The following FLRT1 variants were observed in gnomAD, a reference collection of about 807,000 sequenced individuals.
FLRT1 encodes the protein leucine-rich repeat transmembrane protein FLRT1.
A neutral mutation model predicts 30.9 loss-of-function variants in FLRT1; 14 were observed. That is an observed-to-expected ratio of 0.45 (90% CI 0.30 to 0.71). The LOEUF (loss-of-function observed/expected upper bound fraction) is 0.71, where lower values mean the gene tolerates loss of function less well. Ranked by LOEUF, FLRT1 falls within the 30% of genes least tolerant of loss-of-function variation. FLRT1 has a pLI of 0.08. For missense variants in FLRT1, 737 were observed against 949.2 expected, an observed-to-expected ratio of 0.78 and a Z score of 2.94; for synonymous variants, 368 against 430.4, an observed-to-expected ratio of 0.85 and a Z score of 1.80.
intron 2 of FLRT1, among the ~76,000 whole-genome samples, chr11:64,115,714 G>A (rs922466801): frequency 1.3e-5 from 2 of 152,140 alleles, no homozygotes; most frequent in African/African-American, 2.4e-5. Flanking sequence ...CTTTCCTTTC[G>A]AATCCTGGGT....
In FLRT1 at chr11:64,096,820, C is replaced by T. The variant is rs571629606; in HGVS notation, c.-1037-6374C>T. Among the ~76,000 whole-genome samples the T allele has an allele frequency of 1.8e-3, 271 of 152,320 alleles. 2 individuals are homozygous for T. Among genetic ancestry groups the T allele is most frequent in the African/African-American group, 6.0e-3 (249 of 41,580 alleles). On this transcript the variant is annotated intron_variant, in intron 1 of 2. Transcript: ENST00000682287. The surrounding 1 kb of genome is among the most constrained non-coding windows in gnomAD (Gnocchi z 4.6). ...GCAGGCCTGTGGGGGGCTGCCGTGTCCCCATACCCTCCAAGCACACTGCCA... is the reference window on the plus strand; with the variant it reads ...GCAGGCCTGTGGGGGGCTGCCGTGTTCCCATACCCTCCAAGCACACTGCCA...
intron 1 of FLRT1, chr11:64,086,767 C>T (rs1392932628): frequency 6.6e-6 from 1 of 152,192 alleles, no homozygotes; most frequent in Non-Finnish European, 1.5e-5. Flanking sequence ...CCCAGATCAC[C>T]CAAGCAGCTG....
intron 2 of FLRT1, among the ~76,000 whole-genome samples, chr11:64,105,021 T>G (rs912157568): frequency 6.6e-5 from 10 of 152,170 alleles, no homozygotes; most frequent in Middle Eastern, 6.8e-3. Context: ...AGGAGAGGGG[T>G]TGATTTATGA....
At chr11:64,078,787 G>T (rs928848582) in intron 1 of FLRT1, among the ~76,000 whole-genome samples, 3 of 152,092 alleles carry the variant, frequency 2.0e-5, no homozygotes, top group African/African-American at 4.8e-5. Flanking sequence ...GTGACTGCAG[G>T]GGGGGAGGCC....
At chr11:64,058,033 A>G (rs1484460956) in intron 1 of FLRT1, among the ~76,000 whole-genome samples, 1 of 152,210 alleles carries the variant, frequency 6.6e-6, no homozygotes, top group African/African-American at 2.4e-5. Flanking sequence ...TGAGCCACTG[A>G]GTAATGCGCA....
At chr11:64,087,505 A>G (rs1183605310) in intron 1 of FLRT1, among the ~76,000 whole-genome samples, 1 of 152,122 alleles carries the variant, frequency 6.6e-6, no homozygotes, top group Non-Finnish European at 1.5e-5. Flanking sequence ...CACAGTTGCC[A>G]CCCCTTGCTG....
At chr11:64,081,224 A>G (rs745430540) in intron 1 of FLRT1, among the ~76,000 whole-genome samples, 3 of 152,080 alleles carry the variant, frequency 2.0e-5, no homozygotes, top group Non-Finnish European at 4.4e-5. Context: ...GTTTCACCAT[A>G]TTGGCCAGGC....
intron 1 of FLRT1, among the ~76,000 whole-genome samples, chr11:64,089,625 C>T (rs903359820): frequency 3.3e-5 from 5 of 152,226 alleles, no homozygotes; most frequent in African/African-American, 7.2e-5. Flanking sequence ...GCAAGGAACT[C>T]CCCAGTCCCA....
chr11:64,063,979 G>C (rs1456013140), intron 1 of FLRT1, among the ~76,000 whole-genome samples: 2 of 152,178 alleles, frequency 1.3e-5, no homozygotes, highest in Non-Finnish European at 1.5e-5. Flanking sequence ...AATCGCATCC[G>C]AGTGACGGCT....
At chr11:64,048,128 C>T (rs899876794) in intron 1 of FLRT1, among the ~76,000 whole-genome samples, 10 of 152,156 alleles carry the variant, frequency 6.6e-5, no homozygotes, top group Admixed American at 2.0e-4. Flanking sequence ...GAAGCAGGGC[C>T]GGGCAGGGGC....
At chr11:64,113,871 C>CATGGATGGAAGG (rs572595392) in intron 2 of FLRT1, among the ~76,000 whole-genome samples, 1,302 of 77,870 alleles carry the variant, frequency 0.017, 30 homozygotes, top group Middle Eastern at 0.061. Flanking sequence ...TGGATTGATA[C>CATGGATGGAAGG]ATGGATGGAT....
intron 1 of FLRT1, among the ~76,000 whole-genome samples, chr11:64,091,525 G>C (rs960698226): frequency 6.6e-6 from 1 of 152,110 alleles, no homozygotes; most frequent in Non-Finnish European, 1.5e-5. Context: ...GGTTACAACA[G>C]TAGCTGAGGT....
chr11:64,057,092 G>A (rs568946890), intron 1 of FLRT1, among the ~76,000 whole-genome samples: 92 of 152,338 alleles, frequency 6.0e-4, no homozygotes, highest in Admixed American at 1.2e-3. Context: ...CAGCTCTCAC[G>A]AAACAGGGCT....
chr11:64,039,750 G>A (rs320143), intron 1 of FLRT1, among the ~76,000 whole-genome samples: 47,681 of 152,154 alleles, frequency 0.31, 8,693 homozygotes, highest in African/African-American at 0.51. Flanking sequence ...GCCGCTCCCC[G>A]GGGCCAGCGG....
chr11:64,035,960 C>T lies in FLRT1; in HGVS notation c.-1237C>T, dbSNP rs1192851398. On this transcript the variant is annotated 5_prime_UTR_variant, in exon 1 of 3. Transcript: ENST00000682287. ...TCCTCCCGCGGCTCCGCCGGGCGCC[C>T]GAGCCGGGCAGATGCGCCGCCGCGC... 6.8e-6 allele frequency: 1 copy of T among 147,800 alleles called. No individual in the cohort carries two copies. The highest frequency in any genetic ancestry group is 1.9e-4 in the South Asian group (1 of 5,248). 9.2% of individuals were successfully genotyped at this position (147,800 alleles called of 1,614,324 possible).
chr11:64,118,187 C>G lies in FLRT1; in HGVS notation c.1920C>G (p.Pro640=). 1.2e-6 allele frequency: 2 copies of G among 1,613,548 alleles called. No individual in the cohort carries two copies. Among genetic ancestry groups the G allele is most frequent in the Non-Finnish European group, 1.7e-6 (2 of 1,179,962 alleles). ...KEEYVVHTIF[P]SNGSSLCKAT... is the part of the protein sequence containing the mutation. ...AGTACGTGGTCCACACTATCTTCCC[C>G]TCCAACGGCAGCAGCCTCTGCAAGG... The change falls in exon 3 of 3, where the codon CCC becomes CCG. Residue 640 remains proline, a synonymous_variant. Coordinates refer to ENST00000682287, the MANE Select transcript of FLRT1 (RefSeq NM_013280.5).
At chr11:64,088,721 T>C (rs1188977784) in intron 1 of FLRT1, among the ~76,000 whole-genome samples, 2 of 152,050 alleles carry the variant, frequency 1.3e-5, no homozygotes, top group Non-Finnish European at 2.9e-5. Flanking sequence ...ATGGGGATAA[T>C]CGTGTGTTTC....
chr11:64,107,964 C>T (rs926781855), intron 2 of FLRT1, among the ~76,000 whole-genome samples: 2 of 152,170 alleles, frequency 1.3e-5, no homozygotes, highest in Non-Finnish European at 2.9e-5. Context: ...ATTCTGAATA[C>T]GACTCTGCTA....
intron 1 of FLRT1, among the ~76,000 whole-genome samples, chr11:64,074,161 G>A (rs1438641694): frequency 6.6e-6 from 1 of 152,224 alleles, no homozygotes; most frequent in Non-Finnish European, 1.5e-5. Flanking sequence ...GCTGGCTCAG[G>A]GCAATGGTCT....
Sources: allele counts gnomAD v4.1 joint callset (sites outside exome capture counted in the v4.1 genomes callset), GRCh38; gene constraint gnomAD v4.1.1; non-coding constraint Gnocchi (gnomAD v3.1); transcripts MANE v1.5; gene names NCBI Gene and HGNC (gene_info 2026-07-23, HGNC 2026-07-21).